Variants in ESR1 observed in about 807,000 individuals in gnomAD.
The protein encoded by ESR1 is estrogen receptor 1.
ESR1 carries 12 observed loss-of-function variants against 52.7 expected under a neutral mutation model. That is an observed-to-expected ratio of 0.23 (90% confidence interval 0.15 to 0.37). The LOEUF (loss-of-function observed/expected upper bound fraction) is 0.37, where lower values mean the gene tolerates loss of function less well. Among genes scored for constraint, ESR1 ranks in the 10% least tolerant of loss-of-function variants. ESR1 has a pLI of 1.00. For missense variants in ESR1, 584 were observed against 779.7 expected, an observed-to-expected ratio of 0.75 and a Z score of 2.99; for synonymous variants, 305 against 316.8, an observed-to-expected ratio of 0.96 and a Z score of 0.39.
At chr6:151,685,424 C>T (rs1354410119) in intron 1 of ESR1, among the ~76,000 whole-genome samples, 2 of 151,982 alleles carry the variant, frequency 1.3e-5, no homozygotes, top group Admixed American at 1.3e-4. Context: ...TGAGCCACCG[C>T]GCCCGGCCAC....
intron 3 of ESR1, among the ~76,000 whole-genome samples, chr6:151,935,417 C>G (rs950746503): frequency 7.2e-5 from 11 of 152,352 alleles, no homozygotes; most frequent in Admixed American, 6.5e-4. Flanking sequence ...TTGGGGGCAG[C>G]CTGGCAGGAG....
intron 2 of ESR1, among the ~76,000 whole-genome samples, chr6:151,733,440 C>A (rs932165971): frequency 8.5e-5 from 13 of 152,224 alleles, no homozygotes; most frequent in Non-Finnish European, 7.3e-5. Flanking sequence ...TGGGGCCACA[C>A]ATAGCAGATG....
At chr6:152,108,072 C>T (rs2051087504), downstream of ESR1, among the ~76,000 whole-genome samples, 1 of 152,300 alleles carries the variant, frequency 6.6e-6, no homozygotes, top group African/African-American at 2.4e-5. Context: ...TTTGCATCTC[C>T]TCTGCACATG....
At chr6:151,774,659 T>G (rs1237342548) in intron 2 of ESR1, among the ~76,000 whole-genome samples, 1 of 152,212 alleles carries the variant, frequency 6.6e-6, no homozygotes, top group Non-Finnish European at 1.5e-5. Context: ...TCCATTTAGA[T>G]AGTCTATATT....
intron 5 of ESR1, among the ~76,000 whole-genome samples, chr6:152,019,559 G>A (rs1437579651): frequency 2.0e-5 from 3 of 152,176 alleles, no homozygotes; most frequent in African/African-American, 7.2e-5. Context: ...AAGTATTAAT[G>A]CTGTGTAGGA....
At chr6:151,854,185 T>C (rs1271238549) in intron 2 of ESR1, among the ~76,000 whole-genome samples, 1 of 152,222 alleles carries the variant, frequency 6.6e-6, no homozygotes, top group East Asian at 1.9e-4. Context: ...CAGCACTATA[T>C]AGGTTATCTT....
chr6:151,986,569 CTTG>C (rs1331937749), intron 4 of ESR1, among the ~76,000 whole-genome samples: 3 of 152,050 alleles, frequency 2.0e-5, no homozygotes, highest in Admixed American at 1.3e-4. Flanking sequence ...TGTGGACCAA[CTTG>C]TTGTTTTAGA....
chr6:151,862,868 C>A (rs537719720), intron 2 of ESR1, among the ~76,000 whole-genome samples: 1 of 151,784 alleles, frequency 6.6e-6, no homozygotes, highest in South Asian at 2.1e-4. Flanking sequence ...GGTAGCAGAA[C>A]GAGAAAAGAA....
At chr6:151,874,290 A>G (rs1791455103) in intron 2 of ESR1, among the ~76,000 whole-genome samples, 1 of 152,140 alleles carries the variant, frequency 6.6e-6, no homozygotes, top group Non-Finnish European at 1.5e-5. Context: ...AGTACTGTAT[A>G]TCTCTTTAGG....
At chr6:151,794,954 A>G (rs1369319632) in intron 2 of ESR1, among the ~76,000 whole-genome samples, 1 of 152,046 alleles carries the variant, frequency 6.6e-6, no homozygotes, top group Admixed American at 6.5e-5. Context: ...GACCTTTATC[A>G]CACTCTCAGT....
At chr6:151,998,643 G>A (rs182528807) in intron 4 of ESR1, among the ~76,000 whole-genome samples, 11 of 152,126 alleles carry the variant, frequency 7.2e-5, no homozygotes, top group Admixed American at 5.2e-4. Flanking sequence ...GTTATTAATC[G>A]TACATGATCT....
At chr6:152,000,292 T>TAATTGACCC (rs1341222297) in intron 4 of ESR1, among the ~76,000 whole-genome samples, 1 of 152,038 alleles carries the variant, frequency 6.6e-6, no homozygotes, top group Non-Finnish European at 1.5e-5. Context: ...AGAAATTGAA[T>TAATTGACCC]AATTGACCCC....
chr6:151,741,304 T>C (rs1255472317), intron 2 of ESR1, among the ~76,000 whole-genome samples: 1 of 152,216 alleles, frequency 6.6e-6, no homozygotes, highest in Non-Finnish European at 1.5e-5. Flanking sequence ...TTTAAAAATA[T>C]AATTCATTCA....
chr6:152,003,072 C>A (rs993263800), intron 4 of ESR1, among the ~76,000 whole-genome samples: 8 of 151,910 alleles, frequency 5.3e-5, no homozygotes, highest in Non-Finnish European at 7.4e-5. Context: ...TGCTTATTGT[C>A]ATGACAACCA....
chr6:151,932,666 A>G (rs1020135640), intron 3 of ESR1, among the ~76,000 whole-genome samples: 7 of 149,708 alleles, frequency 4.7e-5, no homozygotes, highest in Admixed American at 1.3e-4. Context: ...TCAGCTTTCT[A>G]CATATGGCTA....
chr6:151,753,897 C>T (rs1432722368), intron 2 of ESR1, among the ~76,000 whole-genome samples: 1 of 152,220 alleles, frequency 6.6e-6, no homozygotes, highest in East Asian at 1.9e-4. Context: ...TCCTAGAATC[C>T]ATTATGTTCT....
chr6:152,096,425 C>T (rs2050615452), intron 7 of ESR1, among the ~76,000 whole-genome samples: 2 of 152,172 alleles, frequency 1.3e-5, no homozygotes, highest in South Asian at 2.1e-4. Context: ...CGGAGACAAC[C>T]TTTAAAAATT....
chr6:151,992,428 T>A (rs931090651), intron 4 of ESR1, among the ~76,000 whole-genome samples: 2 of 152,222 alleles, frequency 1.3e-5, no homozygotes, highest in African/African-American at 4.8e-5. Context: ...GTGCCTGGCT[T>A]ATTTCACTTG....
intron 3 of ESR1, among the ~76,000 whole-genome samples, chr6:151,894,054 C>T (rs1050749986): frequency 1.3e-5 from 2 of 152,094 alleles, no homozygotes; most frequent in East Asian, 1.9e-4. Context: ...TCCACACCAA[C>T]GTCTATTATT....
Sources: allele counts gnomAD v4.1 joint callset (sites outside exome capture counted in the v4.1 genomes callset), GRCh38; gene constraint gnomAD v4.1.1; transcripts MANE v1.5; gene names NCBI Gene and HGNC (gene_info 2026-07-23, HGNC 2026-07-21).